Variants in ZNF208 observed in about 807,000 individuals in gnomAD.
The protein encoded by ZNF208 is zinc finger protein 208.
A neutral mutation model predicts 12.1 loss-of-function variants in ZNF208; 10 were observed. The observed-to-expected ratio is 0.83, with a 90% confidence interval of 0.51 to 1.40. ZNF208 has a LOEUF of 1.40. ZNF208 is among the 40% of genes most tolerant of loss of function. ZNF208 has a pLI of 0.00. For missense variants in ZNF208, 1,652 were observed against 1,485.0 expected (o/e 1.11, Z -1.85); for synonymous variants, 497 against 488.4 (o/e 1.02, Z -0.23).
At chr19:21,942,001 T>C (rs1969749464) in intron 4 of ZNF208, among the ~76,000 whole-genome samples, 1 of 152,188 alleles carries the variant, frequency 6.6e-6, no homozygotes, top group South Asian at 2.1e-4. Context: ...AATGTGACAT[T>C]AATACCTCTA....
At chr19:21,982,043 A>C (rs1970547806) in intron 3 of ZNF208, among the ~76,000 whole-genome samples, 1 of 152,272 alleles carries the variant, frequency 6.6e-6, no homozygotes, top group African/African-American at 2.4e-5. Flanking sequence ...CAAGAAAATA[A>C]GAGAGGACAC....
At chr19:21,995,410 AC>A (rs1345276200) in intron 1 of ZNF208, among the ~76,000 whole-genome samples, 8 of 152,174 alleles carry the variant, frequency 5.3e-5, no homozygotes, top group Non-Finnish European at 1.2e-4. Context: ...GGTGAAACAA[AC>A]ACGAGATGAC....
chr19:21,988,839 T>C lies in ZNF208; in HGVS notation c.74A>G (p.Gln25Arg). ...LEEWQCLDTA[Q>R]QNLYRNVMLE... ...CATCACATTTCTATATAAATTCTGCTGTGCAGTGTCCAGGCATTGCCACTC... is the reference window on the plus strand; with the variant it reads ...CATCACATTTCTATATAAATTCTGCCGTGCAGTGTCCAGGCATTGCCACTC... The change falls in exon 2 of 4, where the codon CAG (glutamine) becomes CGG (arginine). Residue 25 changes from glutamine (Q) to arginine (R), a missense_variant. Gln to Arg is a conservative substitution (Grantham distance 43). Coordinates refer to ENST00000397126, the MANE Select transcript of ZNF208 (RefSeq NM_007153.3). The C allele has an allele frequency of 6.2e-7, 1 of 1,614,170 alleles. No homozygotes were observed. Among genetic ancestry groups the C allele is most frequent in the Non-Finnish European group, 8.5e-7 (1 of 1,179,990 alleles).
rs377638519 is a variant in ZNF208, at chr19:21,975,851, A to AAAAAAAAAAAAAAG, written c.227-1045_227-1044insCTTTTTTTTTTTTT. ...AAAAAAAAAAAAAAAAAAAAAAAAAAGCTATCAAGTGAGAATAATACCATC... is the reference window on the plus strand; with the variant it reads ...AAAAAAAAAAAAAAAAAAAAAAAAAAAAAAAAAAAAAAAGGCTATCAAGTGAGAATAATACCATC... On this transcript the variant is annotated intron_variant, in intron 3 of 3. Transcript: ENST00000397126. Among the ~76,000 whole-genome samples the AAAAAAAAAAAAAAG allele has an allele frequency of 3.0e-4, 28 of 91,876 alleles. 7 individuals are homozygous for AAAAAAAAAAAAAAG. Among genetic ancestry groups the AAAAAAAAAAAAAAG allele is most frequent in the African/African-American group, 9.6e-4 (21 of 21,964 alleles). 60.3% of individuals were successfully genotyped at this position (91,876 alleles called of 152,430 possible).
intron 1 of ZNF208, chr19:22,009,684 T>C (rs1190572031): frequency 8.6e-5 from 13 of 151,514 alleles, no homozygotes; most frequent in Admixed American, 7.9e-4. Context: ...GAGGCGGAGA[T>C]TGCAGTGAGC....
rs1261658590 is a variant in ZNF208 at position 21,970,025 on chromosome 19, T to C, written c.*1166A>G. On this transcript the variant is annotated 3_prime_UTR_variant, in exon 4 of 4. Coordinates refer to ENST00000397126, the MANE Select transcript of ZNF208 (RefSeq NM_007153.3). ...GTCACATTGTTTATTACAGTAGTTT[T>C]CTCCAGTATGAGTTATCTTACCTAC... is the stretch of plus-strand genomic sequence containing the variant. Among the ~76,000 whole-genome samples the C allele has an allele frequency of 6.6e-6, 1 of 152,192 alleles. No homozygotes were observed. The highest frequency in any genetic ancestry group is 1.5e-5 in the Non-Finnish European group (1 of 68,030).
chr19:21,941,970 G>T (rs1969749021), intron 4 of ZNF208, among the ~76,000 whole-genome samples: 1 of 152,102 alleles, frequency 6.6e-6, no homozygotes, highest in African/African-American at 2.4e-5. Flanking sequence ...ATTGCTGTAG[G>T]GTTCAGCAAA....
chr19:21,945,636 T>C (rs1050350013), intron 4 of ZNF208, among the ~76,000 whole-genome samples: 1 of 152,220 alleles, frequency 6.6e-6, no homozygotes, highest in African/African-American at 2.4e-5. Flanking sequence ...CAAATACATA[T>C]ATCAAATTTA....
rs1970379627 is a variant in ZNF208, at chr19:21,974,215, A to G, written c.819T>C (p.Thr273=). 1 of 1,602,608 alleles carries G rather than the reference A, an allele frequency of 6.2e-7. No homozygotes were observed. The highest frequency in any genetic ancestry group is 1.3e-5 in the African/African-American group (1 of 74,750). ...CTCCAGTATGAATTATCTTATGTTT[A>G]GTAAGGATTGCAGATTGGTTAAAAG... ...GKAFNQSAIL[T]KHKIIHTGEK... The change falls in exon 4 of 4, where the codon ACT becomes ACC. Residue 273 remains threonine, a synonymous_variant. Coordinates refer to ENST00000397126, the MANE Select transcript of ZNF208 (RefSeq NM_007153.3).
In ZNF208 at chr19:21,974,629, CTGGT is replaced by C. The variant is rs1395147967; in HGVS notation, c.401_404del (p.Asn134ArgfsTer3). 8 of 1,613,546 alleles carry C rather than the reference CTGGT, an allele frequency of 5.0e-6. No homozygotes were observed. The highest frequency in any genetic ancestry group is 6.8e-6 in the Non-Finnish European group (8 of 1,179,734). On this transcript the variant is annotated frameshift_variant, in exon 4 of 4. Transcript: ENST00000397126. LOFTEE classifies it low-confidence loss of function (END_TRUNC). ...CTTTGCTCTGTGTAGTTGTCAAACT[CTGGT>C]TAAGTTTATTATAACCTTCTTTGTG... is the stretch of plus-strand genomic sequence containing the variant.
Position 21,970,716 on chromosome 19 carries a change from C to T in ZNF208, c.*475G>A. 8.2e-7 allele frequency: 1 copy of T among 1,213,766 alleles called. No homozygotes were observed. Among genetic ancestry groups the T allele is most frequent in the Non-Finnish European group, 1.2e-6 (1 of 826,762 alleles). 75.2% of individuals were successfully genotyped at this position (1,213,766 alleles called of 1,614,324 possible). A position where few individuals can be genotyped will look rare whatever the true frequency, so the allele number is the denominator to read the frequency against. On this transcript the variant is annotated 3_prime_UTR_variant, in exon 4 of 4. Transcript: ENST00000397126. The stretch of plus-strand genomic sequence containing the variant: ...AGAGTTTCTCTCCAGCATGAATTTT[C>T]TTATGTGTAGGAGGGTTGGGAACTG...
chr19:21,989,646 A>C (rs1970694455), intron 1 of ZNF208, among the ~76,000 whole-genome samples: 1 of 152,158 alleles, frequency 6.6e-6, no homozygotes, highest in Non-Finnish European at 1.5e-5. Flanking sequence ...TAGATCCCTG[A>C]GGAATTGCCA....
rs11878668 is a variant in ZNF208, at chr19:22,005,804, C to G, written c.3+4988G>C. 7.6e-3 allele frequency among the ~76,000 whole-genome samples: 1,162 copies of G among 152,126 alleles called. 19 individuals are homozygous for G. The highest frequency in any genetic ancestry group is 0.026 in the African/African-American group (1,065 of 41,506). ...GTCAAATGGAAGAAAAGTATAGAAC[C>G]AAGAAAAGAGGTGGGAAAAGATGAA... On this transcript the variant is annotated intron_variant, in intron 1 of 3. Coordinates refer to ENST00000397126, the MANE Select transcript of ZNF208 (RefSeq NM_007153.3).
Position 21,973,091 on chromosome 19 carries a change from T to C in ZNF208, c.1943A>G (p.Lys648Arg), listed in dbSNP as rs1253344009. Residue 648 changes from lysine to arginine, a missense_variant, in exon 4 of 4, where the codon AAG becomes AGG. Transcript: ENST00000397126. ...KCKECGKTFI[K>R]VSTLTTHKAI... ...CTTATGTGTAGTAAGGGTTGAGACC[T>C]TAATAAAGGTTTTGCCACATTCTTT... 1.2e-6 allele frequency: 2 copies of C among 1,600,172 alleles called. No individual in the cohort carries two copies. The highest frequency in any genetic ancestry group is 1.7e-6 in the Non-Finnish European group (2 of 1,171,932).
intron 1 of ZNF208, chr19:21,998,280 G>A (rs1053205927): frequency 6.6e-6 from 1 of 150,798 alleles, no homozygotes; most frequent in Non-Finnish European, 1.5e-5. Flanking sequence ...TCAGCCTCCT[G>A]AGTAGCTGGG....
intron 1 of ZNF208, among the ~76,000 whole-genome samples, chr19:22,010,584 G>A (rs1026691863): frequency 2.6e-5 from 4 of 152,226 alleles, no homozygotes; most frequent in African/African-American, 4.8e-5. Flanking sequence ...CACAATCACA[G>A]CGCAGGGAAG....
chr19:21,969,385 G>A lies in ZNF208; in HGVS notation c.*1806C>T, dbSNP rs1261261896. ...TTATATACAAATAATTCTTCTTTTT[G>A]CCAACTTTAGTTTTGGATTTTTTCC... On this transcript the variant is annotated 3_prime_UTR_variant, in exon 4 of 4. Transcript: ENST00000397126. Among the ~76,000 whole-genome samples the A allele has an allele frequency of 1.3e-5, 2 of 151,880 alleles. No individual in the cohort carries two copies. Among genetic ancestry groups the A allele is most frequent in the Non-Finnish European group, 2.9e-5 (2 of 67,986 alleles).
chr19:21,943,911 A>G (rs1233869656), intron 4 of ZNF208, among the ~76,000 whole-genome samples: 2 of 152,170 alleles, frequency 1.3e-5, no homozygotes, highest in Non-Finnish European at 2.9e-5. Context: ...TACAAACACA[A>G]AAGTATTTGT....
intron 2 of ZNF208, among the ~76,000 whole-genome samples, chr19:21,988,481 A>G (rs1319457408): frequency 6.6e-6 from 1 of 152,136 alleles, no homozygotes; most frequent in Non-Finnish European, 1.5e-5. Context: ...GAAGTTATCT[A>G]CTGGAACATC....
Sources: gnomAD v4.1 joint callset for allele counts (sites outside exome capture counted in the v4.1 genomes callset) on GRCh38, gnomAD v4.1.1 for gene constraint, MANE v1.5 for transcripts, NCBI Gene and HGNC (gene_info 2026-07-23, HGNC 2026-07-21) for gene names.